BFSP1: variants seen among roughly 807,000 people sequenced by gnomAD.
The protein encoded by BFSP1 is filensin.
Under a neutral mutation model 43.9 loss-of-function variants are expected in BFSP1, and 38 were observed. The ratio of observed to expected loss-of-function variants is 0.87; its 90% CI spans 0.67 to 1.14. The LOEUF (loss-of-function observed/expected upper bound fraction) is 1.14. Among genes scored for constraint, BFSP1 ranks in the 50% most tolerant of loss-of-function variants. The probability of loss-of-function intolerance (pLI) is 0.00; values close to 1 mark genes in which losing one functional copy is unlikely to be tolerated. For synonymous variants in BFSP1, 352 were observed against 354.8 expected (o/e 0.99, Z 0.09); for missense variants, 850 against 875.1 (o/e 0.97, Z 0.36).
chr20:17,501,481 G>A (rs531722618), intron 5 of BFSP1, among the ~76,000 whole-genome samples: 33 of 152,090 alleles, frequency 2.2e-4, no homozygotes, highest in South Asian at 4.2e-4. Flanking sequence ...ACCTGAACCC[G>A]GGAGGTGGAG....
chr20:17,566,095 G>A (rs2035115355), intron 1 of BFSP1, among the ~76,000 whole-genome samples: 1 of 142,480 alleles, frequency 7.0e-6, no homozygotes, highest in Non-Finnish European at 1.5e-5. Context: ...TCCAGCCTGG[G>A]TGACAGAGCA....
At chr20:17,527,618 C>T (rs1033419904) in intron 1 of BFSP1, among the ~76,000 whole-genome samples, 1 of 152,050 alleles carries the variant, frequency 6.6e-6, no homozygotes, top group Non-Finnish European at 1.5e-5. Flanking sequence ...GTCCCAGCTA[C>T]TTAGGAGGCT....
chr20:17,515,572 A>G (rs2034180355), intron 2 of BFSP1, among the ~76,000 whole-genome samples: 1 of 152,248 alleles, frequency 6.6e-6, no homozygotes, highest in African/African-American at 2.4e-5. Context: ...CTGATAATTC[A>G]CTGGCTCTTG....
rs377471509 is a variant in BFSP1 at position 17,509,065 on chromosome 20, G to A, written c.628-69C>T. The A allele has an allele frequency of 1.1e-4, 127 of 1,170,674 alleles. No homozygotes were observed. In the South Asian group the frequency reaches 1.5e-3, roughly 13 times the overall value. The allele number at this position is 1,170,674 out of a possible 1,614,324, so 72.5% of individuals were successfully genotyped here. ...AGGAAAAGGGCAGAGAAGGTGCGGG[G>A]CCCTGGTATGGACGGAATATCCGTG... On this transcript the variant is annotated intron_variant, in intron 4 of 7. Coordinates refer to ENST00000377873, the MANE Select transcript of BFSP1 (RefSeq NM_001195.5).
At chr20:17,517,424 C>T in intron 2 of BFSP1, 2 of 676,602 alleles carry the variant, frequency 3.0e-6, no homozygotes, top group Non-Finnish European at 2.7e-6. Flanking sequence ...GCTGGGACTA[C>T]AGGTGCACAC....
At chr20:17,508,733 C>T (rs1411974858) in intron 5 of BFSP1, among the ~76,000 whole-genome samples, 156 bp downstream of exon 5, 3 of 152,212 alleles carry the variant, frequency 2.0e-5, no homozygotes, top group African/African-American at 7.2e-5. Context: ...CAGAGCAGAG[C>T]GCTTGGCCAC....
chr20:17,514,585 C>T, intron 3 of BFSP1, 136 bp downstream of exon 3: 1 of 801,494 alleles, frequency 1.2e-6, no homozygotes, highest in Non-Finnish European at 2.1e-6. Flanking sequence ...GACCAATTCA[C>T]CCCTATTTGG....
intron 5 of BFSP1, among the ~76,000 whole-genome samples, chr20:17,505,895 G>A (rs2033925203): frequency 6.6e-6 from 1 of 152,160 alleles, no homozygotes; most frequent in African/African-American, 2.4e-5. Flanking sequence ...GCAGAATTTT[G>A]GCCCCCGTGA....
At chr20:17,514,940 T>C in intron 2 of BFSP1, 124 bp from the exon 3 acceptor site, 1 of 807,738 alleles carries the variant, frequency 1.2e-6, no homozygotes, top group East Asian at 2.6e-5. Context: ...GTTCAGTAGG[T>C]CTGGGAGGGG....
upstream of BFSP1, among the ~76,000 whole-genome samples, chr20:17,562,085 TA>T (rs1458221363): frequency 1.3e-5 from 2 of 151,560 alleles, no homozygotes; most frequent in African/African-American, 4.8e-5. Flanking sequence ...CACATCTGGC[TA>T]ATTTTTTGTA....
chr20:17,508,582 G>C (rs967838075), intron 5 of BFSP1, among the ~76,000 whole-genome samples: 7 of 152,188 alleles, frequency 4.6e-5, no homozygotes, highest in Non-Finnish European at 8.8e-5. Flanking sequence ...CACTGGGGCA[G>C]CCTAAGCCTA....
intron 5 of BFSP1, among the ~76,000 whole-genome samples, chr20:17,500,141 G>A (rs1418087026): frequency 2.0e-5 from 3 of 152,140 alleles, no homozygotes; most frequent in Middle Eastern, 3.2e-3. Context: ...AGTTTGGATC[G>A]GCAGAGTTAC....
chr20:17,562,637 C>T (rs980908880), upstream of BFSP1, among the ~76,000 whole-genome samples: 3 of 151,038 alleles, frequency 2.0e-5, no homozygotes, highest in African/African-American at 7.3e-5. Flanking sequence ...TCCATTTTCT[C>T]ACTGTTTAAC....
chr20:17,540,359 C>T (rs1303106205), intron 1 of BFSP1, among the ~76,000 whole-genome samples: 1 of 152,132 alleles, frequency 6.6e-6, no homozygotes, highest in African/African-American at 2.4e-5. Flanking sequence ...TTGCCTGTCA[C>T]CCTCAGCTTT....
intron 1 of BFSP1, among the ~76,000 whole-genome samples, chr20:17,526,116 A>G (rs2034414007): frequency 1.2e-5 from 1 of 80,212 alleles, no homozygotes; most frequent in Admixed American, 2.1e-4. Context: ...AGCCAGTATC[A>G]CTTTTTCTGT....
intron 1 of BFSP1, 37 bp from the exon 2 acceptor site, chr20:17,524,945 AC>A: frequency 1.3e-6 from 2 of 1,561,682 alleles, no homozygotes; most frequent in Non-Finnish European, 1.8e-6. Flanking sequence ...TTGGGTAACT[AC>A]CATGCTTTCA....
At chr20:17,523,559 G>T (rs1039308576) in intron 2 of BFSP1, among the ~76,000 whole-genome samples, 21 of 151,428 alleles carry the variant, frequency 1.4e-4, no homozygotes, top group African/African-American at 5.1e-4. Flanking sequence ...ACAGGCTCGA[G>T]GCCATCGTTT....
At chr20:17,495,118 G>A (rs939206018) in intron 7 of BFSP1, 89 bp from the exon 8 acceptor site, 29 of 1,237,788 alleles carry the variant, frequency 2.3e-5, no homozygotes, top group South Asian at 1.0e-4. Context: ...TAACTCTCTC[G>A]GAAACAAACG....
intron 2 of BFSP1, among the ~76,000 whole-genome samples, chr20:17,520,548 C>T (rs1489828729): frequency 1.3e-5 from 2 of 152,134 alleles, no homozygotes; most frequent in African/African-American, 4.8e-5. Context: ...AAAACCTTTC[C>T]AAAAATGTTA....
Sources: gnomAD v4.1 joint callset for allele counts (sites outside exome capture counted in the v4.1 genomes callset) on GRCh38, gnomAD v4.1.1 for gene constraint, MANE v1.5 for transcripts, NCBI Gene and HGNC (gene_info 2026-07-23, HGNC 2026-07-21) for gene names.